The following DLGAP2 variants were observed in gnomAD, a reference collection of about 807,000 sequenced individuals.
DLGAP2 encodes the protein DLG associated protein 2, also known as disks large-associated protein 2.
A neutral mutation model predicts 100.3 loss-of-function variants in DLGAP2; 26 were observed. The observed-to-expected ratio is 0.26, with a 90% CI of 0.19 to 0.36. The LOEUF (loss-of-function observed/expected upper bound fraction) is 0.36, where lower values mean the gene tolerates loss of function less well. DLGAP2 is among the 10% of genes least tolerant of loss of function. DLGAP2 has a pLI of 1.00. For missense variants in DLGAP2, 1,858 were observed against 1,453.2 expected, an observed-to-expected ratio of 1.28 and a Z score of -4.53; for synonymous variants, 886 against 630.1, an observed-to-expected ratio of 1.41 and a Z score of -6.08.
At chr8:1,287,789 ATGTGTGTG>A (rs1340707673) in intron 3 of DLGAP2, among the ~76,000 whole-genome samples, 4 of 35,806 alleles carry the variant, frequency 1.1e-4, no homozygotes, top group East Asian at 2.2e-3. Flanking sequence ...GTCTGTGTGT[ATGTGTGTG>A]TGGTTCTGTT....
At chr8:1,557,788 A>G (rs1388894587) in intron 5 of DLGAP2, among the ~76,000 whole-genome samples, 1 of 151,976 alleles carries the variant, frequency 6.6e-6, no homozygotes, top group Admixed American at 6.5e-5. Context: ...CTGTGACCTC[A>G]TCTCCCCTTC....
At chr8:1,033,538 C>T (rs1166586355) in intron 2 of DLGAP2, among the ~76,000 whole-genome samples, 2 of 152,142 alleles carry the variant, frequency 1.3e-5, no homozygotes, top group Non-Finnish European at 2.9e-5. Context: ...CATGGTGGTG[C>T]ATGCCTGTAG....
rs377204622 is a variant in DLGAP2, at chr8:1,549,542, C to G, written c.1089C>G (p.Ala363=). 4.3e-6 allele frequency: 7 copies of G among 1,613,346 alleles called. No individual in the cohort carries two copies. The highest frequency in any genetic ancestry group is 5.9e-6 in the Non-Finnish European group (7 of 1,179,862). Residue 363 remains alanine, a synonymous_variant, in exon 5 of 15, where the codon GCC becomes GCG. Coordinates refer to ENST00000637795, the MANE Select transcript of DLGAP2 (RefSeq NM_001346810.2). Reference sequence around the variant, plus strand: ...AGGGGTTGGCGCTGACGCCCGACGCCAAGTACCTGAAGCGCAGCTCCTGGT... The same window carrying G: ...AGGGGTTGGCGCTGACGCCCGACGCGAAGTACCTGAAGCGCAGCTCCTGGT... ...ACEGLALTPD[A]KYLKRSSWST... is the part of the protein sequence containing the mutation.
chr8:1,313,361 C>A (rs1298712495), intron 3 of DLGAP2, among the ~76,000 whole-genome samples: 1 of 152,146 alleles, frequency 6.6e-6, no homozygotes, highest in African/African-American at 2.4e-5. Context: ...TCTTCTTCAC[C>A]ACTGGATTCT....
intron 1 of DLGAP2, chr8:753,886 G>T (rs541781037): frequency 1.3e-5 from 2 of 152,232 alleles, no homozygotes; most frequent in African/African-American, 2.4e-5. Flanking sequence ...CTGTCCGGGC[G>T]GCGCGGTGCG....
chr8:1,548,447 A>T (rs1208767409), intron 4 of DLGAP2, among the ~76,000 whole-genome samples, 179 bp from the exon 5 acceptor site: 1 of 124,266 alleles, frequency 8.0e-6, no homozygotes, highest in Non-Finnish European at 1.6e-5. Flanking sequence ...CGACAGAGCG[A>T]GACTGTCTCA....
intron 3 of DLGAP2, among the ~76,000 whole-genome samples, chr8:1,497,093 C>G (rs1303653065): frequency 6.6e-6 from 1 of 152,148 alleles, no homozygotes; most frequent in Non-Finnish European, 1.5e-5. Flanking sequence ...CCAGAGGGAC[C>G]CTAAGCAAGG....
intron 2 of DLGAP2, among the ~76,000 whole-genome samples, chr8:1,127,764 C>G (rs1796201299): frequency 6.6e-6 from 1 of 152,184 alleles, no homozygotes; most frequent in Admixed American, 6.5e-5. Flanking sequence ...GGACGGTTAA[C>G]TACGCCCGTT....
At chr8:1,176,092 A>G (rs1036116058) in intron 2 of DLGAP2, among the ~76,000 whole-genome samples, 1 of 152,174 alleles carries the variant, frequency 6.6e-6, no homozygotes, top group African/African-American at 2.4e-5. Flanking sequence ...TTTATAAACA[A>G]AAGAGGTTTA....
chr8:1,480,681 C>G (rs1183379371), intron 3 of DLGAP2, among the ~76,000 whole-genome samples: 1 of 149,744 alleles, frequency 6.7e-6, no homozygotes, highest in Non-Finnish European at 1.5e-5. Flanking sequence ...GAAACCCCAT[C>G]TCTACTAATA....
At chr8:1,127,421 T>A (rs80280238) in intron 2 of DLGAP2, among the ~76,000 whole-genome samples, 27,264 of 151,534 alleles carry the variant, frequency 0.18, 2,987 homozygotes, top group African/African-American at 0.31. Context: ...TCCCTTCGTG[T>A]GTGGAGGCCC....
intron 2 of DLGAP2, among the ~76,000 whole-genome samples, chr8:1,242,938 G>A (rs986250065): frequency 1.9e-4 from 2 of 10,546 alleles, no homozygotes; most frequent in African/African-American, 3.0e-4. Flanking sequence ...TGGATGGATT[G>A]ATAGATGGAT....
intron 4 of DLGAP2, among the ~76,000 whole-genome samples, chr8:1,507,071 G>A (rs894486433): frequency 1.3e-5 from 2 of 152,256 alleles, no homozygotes; most frequent in African/African-American, 2.4e-5. Flanking sequence ...AGTTCTCCAA[G>A]TCCCCACCGG....
At chr8:1,045,439 G>A (rs1031602200) in intron 2 of DLGAP2, among the ~76,000 whole-genome samples, 8 of 152,216 alleles carry the variant, frequency 5.3e-5, no homozygotes, top group East Asian at 3.9e-4. Flanking sequence ...TAAACACTGC[G>A]GAGAGACTAA....
At chr8:1,253,863 C>T (rs528851111) in intron 2 of DLGAP2, among the ~76,000 whole-genome samples, 3 of 152,270 alleles carry the variant, frequency 2.0e-5, no homozygotes, top group Admixed American at 2.0e-4. Flanking sequence ...TGAAAGGGTC[C>T]GTGCTGCTGT....
At chr8:1,583,842 C>G (rs963789680) in intron 6 of DLGAP2, among the ~76,000 whole-genome samples, 1 of 152,080 alleles carries the variant, frequency 6.6e-6, no homozygotes, top group South Asian at 2.1e-4. Context: ...AGTGCAGATC[C>G]TTCGTGATCT....
chr8:849,218 C>T (rs142442815), intron 1 of DLGAP2, among the ~76,000 whole-genome samples: 26 of 150,906 alleles, frequency 1.7e-4, no homozygotes, highest in South Asian at 1.7e-3. Flanking sequence ...TATAGGAACA[C>T]GTGGTGTGTG....
intron 2 of DLGAP2, among the ~76,000 whole-genome samples, chr8:1,047,464 G>C (rs1013536529): frequency 4.6e-5 from 7 of 152,184 alleles, no homozygotes; most frequent in Non-Finnish European, 8.8e-5. Flanking sequence ...TGAGCATTAT[G>C]TTGGCAAAAT....
intron 4 of DLGAP2, among the ~76,000 whole-genome samples, chr8:1,519,676 G>T (rs956318631): frequency 6.6e-6 from 1 of 152,202 alleles, no homozygotes; most frequent in South Asian, 2.1e-4. Flanking sequence ...CAGAAGAAAA[G>T]TCCAGAACTC....
Sources: allele counts gnomAD v4.1 joint callset (sites outside exome capture counted in the v4.1 genomes callset), GRCh38; gene constraint gnomAD v4.1.1; transcripts MANE v1.5; gene names NCBI Gene and HGNC (gene_info 2026-07-23, HGNC 2026-07-21).